CNTNAP2: variants seen among roughly 807,000 people sequenced by gnomAD.
CNTNAP2 encodes contactin associated protein 2, also known as contactin-associated protein-like 2.
A neutral mutation model predicts 155.2 loss-of-function variants in CNTNAP2; 98 were observed. The ratio of observed to expected loss-of-function variants is 0.63; its 90% confidence interval spans 0.54 to 0.75. The LOEUF (loss-of-function observed/expected upper bound fraction) is 0.75, where lower values mean the gene tolerates loss of function less well. Among genes scored for constraint, CNTNAP2 ranks in the 30% least tolerant of loss-of-function variants. CNTNAP2 has a pLI of 0.00. For synonymous variants in CNTNAP2, 651 were observed against 631.2 expected (o/e 1.03, Z -0.47); for missense variants, 1,727 against 1,688.1 (o/e 1.02, Z -0.40).
chr7:146,349,561 C>G (rs897108747), intron 1 of CNTNAP2, among the ~76,000 whole-genome samples: 2 of 152,190 alleles, frequency 1.3e-5, no homozygotes, highest in East Asian at 1.9e-4. Context: ...TTCTTCCTAG[C>G]CTTGATGGTC....
chr7:146,917,480 G>A (rs1353602811), intron 3 of CNTNAP2, among the ~76,000 whole-genome samples: 1 of 152,048 alleles, frequency 6.6e-6, no homozygotes, highest in African/African-American at 2.4e-5. Flanking sequence ...GTATAAATAT[G>A]GGAGCTCCAG....
chr7:148,077,514 G>A (rs558207159), intron 15 of CNTNAP2, among the ~76,000 whole-genome samples: 7 of 152,130 alleles, frequency 4.6e-5, no homozygotes, highest in African/African-American at 1.7e-4. Context: ...GACCATAAAG[G>A]TTGTGAGCTC....
intron 13 of CNTNAP2, among the ~76,000 whole-genome samples, chr7:147,706,144 T>G (rs1354335757): frequency 6.6e-6 from 1 of 151,960 alleles, no homozygotes; most frequent in Non-Finnish European, 1.5e-5. Flanking sequence ...CTCCTATTGT[T>G]TATTATAGAA....
At chr7:148,311,440 C>T (rs917278881) in intron 21 of CNTNAP2, among the ~76,000 whole-genome samples, 1 of 150,328 alleles carries the variant, frequency 6.7e-6, no homozygotes, top group Non-Finnish European at 1.5e-5. Flanking sequence ...TAGAGGGTGG[C>T]AGAGGAATGG....
intron 1 of CNTNAP2, among the ~76,000 whole-genome samples, chr7:146,154,845 T>C (rs1018918268): frequency 7.2e-5 from 11 of 152,248 alleles, no homozygotes; most frequent in South Asian, 2.1e-4. Flanking sequence ...GGGAAGAGGG[T>C]ATTCCTTCCC....
At position 147,038,468 on chromosome 7, in the gene CNTNAP2, A is replaced by C. The variant is rs758288084; in HGVS notation, c.403-5439A>C. Among the ~76,000 whole-genome samples the C allele has an allele frequency of 7.9e-4, 121 of 152,332 alleles. 1 individual carries two copies. The highest frequency in any genetic ancestry group is 3.1e-4 in the Non-Finnish European group (21 of 68,032). On this transcript the variant is annotated intron_variant, in intron 3 of 23. Coordinates refer to ENST00000361727, the MANE Select transcript of CNTNAP2 (RefSeq NM_014141.6). ...ATCAAATAATCCAAAACACCTTAGC[A>C]AGCTCTGGATTTAGATTTCTCAAAT...
chr7:146,213,459 A>G (rs1799066750), intron 1 of CNTNAP2, among the ~76,000 whole-genome samples: 3 of 152,206 alleles, frequency 2.0e-5, no homozygotes, highest in Admixed American at 1.3e-4. Context: ...TATTTACATG[A>G]CGACACTGAA....
rs116679733 is a variant in CNTNAP2, at chr7:146,952,193, A to G, written c.403-91714A>G. Among the ~76,000 whole-genome samples the G allele has an allele frequency of 8.5e-3, 1,288 of 152,300 alleles. 13 individuals are homozygous for G. Among genetic ancestry groups the G allele is most frequent in the African/African-American group, 0.03 (1,251 of 41,552 alleles). On this transcript the variant is annotated intron_variant, in intron 3 of 23. Transcript: ENST00000361727. ...TGAGAAAAGCTACATGATAATCTCA[A>G]TAGATGCTGAAAAGGCCTTCGATAA...
intron 1 of CNTNAP2, among the ~76,000 whole-genome samples, chr7:146,333,478 G>A (rs1801219677): frequency 6.6e-6 from 1 of 152,134 alleles, no homozygotes; most frequent in South Asian, 2.1e-4. Context: ...AAAAAAGTAA[G>A]AATTAAGTAT....
chr7:146,742,878 T>G (rs753546151), intron 1 of CNTNAP2, among the ~76,000 whole-genome samples: 1 of 152,164 alleles, frequency 6.6e-6, no homozygotes, highest in Non-Finnish European at 1.5e-5. Flanking sequence ...TATGTACAAA[T>G]ATTTTAAAGC....
At chr7:148,352,812 G>C (rs994745588) in intron 21 of CNTNAP2, among the ~76,000 whole-genome samples, 9 of 152,206 alleles carry the variant, frequency 5.9e-5, no homozygotes, top group African/African-American at 1.7e-4. Flanking sequence ...CCGTGAGGGG[G>C]TATCCTTGAT....
chr7:147,386,320 G>A (rs1292488754), intron 9 of CNTNAP2, among the ~76,000 whole-genome samples: 1 of 152,124 alleles, frequency 6.6e-6, no homozygotes, highest in Non-Finnish European at 1.5e-5. Flanking sequence ...GCAGGCTTGA[G>A]TATCTCCTAA....
At chr7:147,060,727 G>A (rs1454936968) in intron 4 of CNTNAP2, among the ~76,000 whole-genome samples, 2 of 152,120 alleles carry the variant, frequency 1.3e-5, no homozygotes, top group Admixed American at 6.5e-5. Context: ...AGCCAGGCGT[G>A]GTGGCGGGCG....
chr7:147,737,895 C>G (rs781737709), intron 13 of CNTNAP2, among the ~76,000 whole-genome samples: 1 of 152,168 alleles, frequency 6.6e-6, no homozygotes, highest in Non-Finnish European at 1.5e-5. Flanking sequence ...GGGAGTGACC[C>G]GATTTTCCAG....
intron 1 of CNTNAP2, among the ~76,000 whole-genome samples, chr7:146,124,970 G>A (rs1384488916): frequency 6.6e-6 from 1 of 152,016 alleles, no homozygotes; most frequent in Admixed American, 6.6e-5. Flanking sequence ...TTTTACTCAA[G>A]TTATATATAT....
At chr7:147,770,073 T>C (rs1797445465) in intron 13 of CNTNAP2, among the ~76,000 whole-genome samples, 1 of 150,806 alleles carries the variant, frequency 6.6e-6, no homozygotes, top group Non-Finnish European at 1.5e-5. Context: ...GATATACACC[T>C]GTCCTTTTGA....
chr7:147,737,967 G>A (rs201852097), intron 13 of CNTNAP2, among the ~76,000 whole-genome samples: 48 of 152,304 alleles, frequency 3.2e-4, no homozygotes, highest in East Asian at 1.9e-3. Flanking sequence ...TGCACTTCCC[G>A]GGTGAGGCGA....
intron 9 of CNTNAP2, among the ~76,000 whole-genome samples, chr7:147,364,066 T>C (rs865908451): frequency 2.6e-5 from 4 of 152,170 alleles, no homozygotes; most frequent in Non-Finnish European, 4.4e-5. Context: ...AAGATTCTAG[T>C]AGTTTTTCTT....
At chr7:147,114,789 G>A (rs544562820) in intron 5 of CNTNAP2, among the ~76,000 whole-genome samples, 1 of 152,170 alleles carries the variant, frequency 6.6e-6, no homozygotes, top group East Asian at 1.9e-4. Context: ...TCTTTTAACT[G>A]GGGCATTTAA....
Sources: gnomAD v4.1 joint callset for allele counts (sites outside exome capture counted in the v4.1 genomes callset) on GRCh38, gnomAD v4.1.1 for gene constraint, MANE v1.5 for transcripts, NCBI Gene and HGNC (gene_info 2026-07-23, HGNC 2026-07-21) for gene names.